The following PDCD1LG2 variants were observed in gnomAD, a reference collection of about 807,000 sequenced individuals.
PDCD1LG2 encodes the protein B7 dendritic cell molecule.
A neutral mutation model predicts 28.2 loss-of-function variants in PDCD1LG2; 32 were observed. The observed-to-expected ratio is 1.13, with a 90% CI of 0.86 to 1.52. The LOEUF is 1.52. Among genes scored for constraint, PDCD1LG2 ranks in the 40% most tolerant of loss-of-function variants. The probability of loss-of-function intolerance (pLI) is 0.00; values close to 1 mark genes in which losing one functional copy is unlikely to be tolerated. For synonymous variants in PDCD1LG2, 116 were observed against 120.2 expected, an observed-to-expected ratio of 0.97 and a Z score of 0.23; for missense variants, 385 against 323.8, an observed-to-expected ratio of 1.19 and a Z score of -1.45.
At chr9:5,527,343 A>G (rs1233275936) in intron 2 of PDCD1LG2, among the ~76,000 whole-genome samples, 1 of 152,240 alleles carries the variant, frequency 6.6e-6, no homozygotes, top group African/African-American at 2.4e-5. Flanking sequence ...CCAGGCACTT[A>G]CTGATCTATT....
At chr9:5,530,156 T>A (rs538598570) in intron 2 of PDCD1LG2, among the ~76,000 whole-genome samples, 7 of 152,218 alleles carry the variant, frequency 4.6e-5, no homozygotes, top group Admixed American at 1.3e-4. Flanking sequence ...CTGACTACCA[T>A]TGATGCTTCA....
intron 1 of PDCD1LG2, among the ~76,000 whole-genome samples, chr9:5,517,933 G>A (rs1586791056): frequency 6.6e-6 from 1 of 152,282 alleles, no homozygotes; most frequent in African/African-American, 2.4e-5. Flanking sequence ...GCTCTGCTAT[G>A]GTATAAGAAG....
chr9:5,548,720 G>T (rs373473401), intron 3 of PDCD1LG2, among the ~76,000 whole-genome samples: 1 of 152,108 alleles, frequency 6.6e-6, no homozygotes, highest in African/African-American at 2.4e-5. Flanking sequence ...CATGTGTTAG[G>T]GAGAAGTGCA....
chr9:5,548,143 T>C (rs1816250764), intron 3 of PDCD1LG2, among the ~76,000 whole-genome samples: 1 of 152,174 alleles, frequency 6.6e-6, no homozygotes, highest in Non-Finnish European at 1.5e-5. Flanking sequence ...TCCTCTACTC[T>C]GAGACTGAGC....
chr9:5,528,755 A>AT (rs1820427192), intron 2 of PDCD1LG2, among the ~76,000 whole-genome samples: 2 of 152,062 alleles, frequency 1.3e-5, no homozygotes, highest in African/African-American at 2.4e-5. Context: ...TATTTTTTTG[A>AT]GACGCAGTCT....
chr9:5,529,228 A>T (rs1446408181), intron 2 of PDCD1LG2, among the ~76,000 whole-genome samples: 1 of 152,246 alleles, frequency 6.6e-6, no homozygotes, highest in East Asian at 1.9e-4. Flanking sequence ...CTCTTTACAT[A>T]ACCCAAGATG....
rs565663170 is a variant in PDCD1LG2, at chr9:5,551,661, C to T, written c.631+2057C>T. Among the ~76,000 whole-genome samples, 100 of 152,206 alleles carry T rather than the reference C, an allele frequency of 6.6e-4. 1 individual carries two copies. The highest frequency in any genetic ancestry group is 1.1e-3 in the Non-Finnish European group (75 of 68,012). The stretch of plus-strand genomic sequence containing the variant: ...CCAGTATCCGTAGCATCAGAAAAGT[C>T]GCAGGGCAGAAAGAAAAGTATCCAA... On this transcript the variant is annotated intron_variant, in intron 4 of 6. Coordinates refer to ENST00000397747, the MANE Select transcript of PDCD1LG2 (RefSeq NM_025239.4).
intron 2 of PDCD1LG2, among the ~76,000 whole-genome samples, chr9:5,523,292 C>G (rs942403816): frequency 6.6e-6 from 1 of 152,160 alleles, no homozygotes; most frequent in East Asian, 1.9e-4. Flanking sequence ...CATGAGTGCA[C>G]TATTTTGGAT....
intron 3 of PDCD1LG2, among the ~76,000 whole-genome samples, chr9:5,539,749 A>C (rs1162051625): frequency 6.6e-6 from 1 of 152,202 alleles, no homozygotes; most frequent in Non-Finnish European, 1.5e-5. Context: ...GGCACTAAAA[A>C]CAAGAACACC....
At chr9:5,538,264 T>C (rs947703515) in intron 3 of PDCD1LG2, among the ~76,000 whole-genome samples, 13 of 152,170 alleles carry the variant, frequency 8.5e-5, no homozygotes, top group African/African-American at 3.1e-4. Flanking sequence ...CACAGGAAAT[T>C]ATTCCAGCAT....
rs748647332 is a variant in PDCD1LG2, at chr9:5,569,922, G to A, written c.817-32G>A. 11 of 1,611,170 alleles carry A rather than the reference G, an allele frequency of 6.8e-6. No individual in the cohort carries two copies. The highest frequency in any genetic ancestry group is 4.0e-5 in the African/African-American group (3 of 74,768). ...TATATATTTTCTAATCATAAAAAAT[G>A]ATTTTTCTTATTTGTGGGCTTTTCT... On this transcript the variant is annotated intron_variant, in intron 6 of 6. Coordinates refer to ENST00000397747, the MANE Select transcript of PDCD1LG2 (RefSeq NM_025239.4). The surrounding 1 kb of genome is among the most constrained non-coding windows in gnomAD (Gnocchi z 4.1).
In PDCD1LG2 at chr9:5,546,993, G is replaced by T. The variant is rs147522094; in HGVS notation, c.362-2342G>T. Among the ~76,000 whole-genome samples, 691 of 152,246 alleles carry T rather than the reference G, an allele frequency of 4.5e-3. 4 individuals carry two copies. Among genetic ancestry groups the T allele is most frequent in the Non-Finnish European group, 5.7e-3 (389 of 68,000 alleles). On this transcript the variant is annotated intron_variant, in intron 3 of 6. Coordinates refer to ENST00000397747, the MANE Select transcript of PDCD1LG2 (RefSeq NM_025239.4). ...TCTAGTGGGTGTTGTTTGCTATAAT[G>T]AATCAAATTGTCAACTCTTAACATT...
At chr9:5,515,001 G>C (rs996613454) in intron 1 of PDCD1LG2, among the ~76,000 whole-genome samples, 1 of 152,022 alleles carries the variant, frequency 6.6e-6, no homozygotes, top group African/African-American at 2.4e-5. Flanking sequence ...TGGTCATATA[G>C]GAATTCATGG....
At position 5,530,571 on chromosome 9, in the gene PDCD1LG2, A is replaced by C. The variant is rs141356665; in HGVS notation, c.56-4174A>C. Among the ~76,000 whole-genome samples, 324 of 152,154 alleles carry C rather than the reference A, an allele frequency of 2.1e-3. 1 individual carries two copies. The highest frequency in any genetic ancestry group is 7.5e-3 in the African/African-American group (312 of 41,524). Reference sequence around the variant, plus strand: ...ATTGGTAGCACAGAAATAAATGTGCATTGAAGACACAGAGATGAATTTGAA... The same window carrying C: ...ATTGGTAGCACAGAAATAAATGTGCCTTGAAGACACAGAGATGAATTTGAA... On this transcript the variant is annotated intron_variant, in intron 2 of 6. Transcript: ENST00000397747.
chr9:5,563,147 A>G lies in PDCD1LG2; in HGVS notation c.767-15A>G, dbSNP rs1162849910. On this transcript the variant is annotated splice_polypyrimidine_tract_variant and intron_variant, in intron 5 of 6. Coordinates refer to ENST00000397747, the MANE Select transcript of PDCD1LG2 (RefSeq NM_025239.4). ...TCATTAATCTTATTCCATTTCTGGA[A>G]TTTTTCCTTTTCAGACACAACAAAA... 6.3e-7 allele frequency: 1 copy of G among 1,599,696 alleles called. No individual in the cohort carries two copies. Among genetic ancestry groups the G allele is most frequent in the Admixed American group, 1.7e-5 (1 of 59,840 alleles).
At chr9:5,522,413 T>C in intron 1 of PDCD1LG2, 120 bp from the exon 2 acceptor site, 1 of 696,084 alleles carries the variant, frequency 1.4e-6, no homozygotes. Flanking sequence ...AGCTCCACTC[T>C]ACCATGGTCT....
chr9:5,549,878 A>G (rs1474522116), intron 4 of PDCD1LG2, among the ~76,000 whole-genome samples: 2 of 152,190 alleles, frequency 1.3e-5, no homozygotes, highest in Admixed American at 6.5e-5. Context: ...AAGCTGCCAC[A>G]TGCAGCGACT....
intron 4 of PDCD1LG2, among the ~76,000 whole-genome samples, chr9:5,551,662 G>A (rs539454853): frequency 7.9e-5 from 12 of 152,296 alleles, no homozygotes; most frequent in Admixed American, 4.6e-4. Context: ...CAGAAAAGTC[G>A]CAGGGCAGAA....
chr9:5,560,894 C>G (rs1351157221), intron 5 of PDCD1LG2, among the ~76,000 whole-genome samples: 1 of 152,106 alleles, frequency 6.6e-6, no homozygotes, highest in Non-Finnish European at 1.5e-5. Flanking sequence ...AGGAACCATT[C>G]AACAGTTTGG....
Sources: gnomAD v4.1 joint callset for allele counts (sites outside exome capture counted in the v4.1 genomes callset) on GRCh38, gnomAD v4.1.1 for gene constraint, Gnocchi (gnomAD v3.1) non-coding constraint, MANE v1.5 for transcripts, NCBI Gene and HGNC (gene_info 2026-07-23, HGNC 2026-07-21) for gene names.